UVRAG: variants seen among roughly 807,000 people sequenced by gnomAD.
UVRAG encodes the protein UV radiation resistance-associated gene protein.
Under a neutral mutation model 78.0 loss-of-function variants are expected in UVRAG, and 19 were observed. That is an observed-to-expected ratio of 0.24 (90% CI 0.17 to 0.36). The LOEUF is 0.36. Ranked by LOEUF, UVRAG falls within the 10% of genes least tolerant of loss-of-function variation. The pLI is 1.00. For missense variants in UVRAG, 740 were observed against 853.8 expected (o/e 0.87, Z 1.66); for synonymous variants, 323 against 324.6 (o/e 1.00, Z 0.05).
chr11:75,947,799 C>G (rs186488789), intron 6 of UVRAG, among the ~76,000 whole-genome samples: 2 of 152,050 alleles, frequency 1.3e-5, no homozygotes, highest in Non-Finnish European at 2.9e-5. Flanking sequence ...ACAGGTAGAA[C>G]GGGAATGATT....
Position 75,828,797 on chromosome 11 carries a change from A to G in UVRAG, c.117+13273A>G, listed in dbSNP as rs1945588767. Among the ~76,000 whole-genome samples the G allele has an allele frequency of 3.1e-5, 3 of 95,558 alleles. No homozygotes were observed. In the South Asian group the frequency reaches 9.0e-4, roughly 29 times the overall value. 62.7% of individuals were successfully genotyped at this position (95,558 alleles called of 152,430 possible). A position where few individuals can be genotyped will look rare whatever the true frequency, so the allele number is the denominator to read the frequency against. Reference sequence around the variant, plus strand: ...TATACACACATATATATATATATATATATATATATTTTTTTTTTTTTGTAG... The same window carrying G: ...TATACACACATATATATATATATATGTATATATATTTTTTTTTTTTTGTAG... On this transcript the variant is annotated intron_variant, in intron 1 of 14. Coordinates refer to ENST00000356136, the MANE Select transcript of UVRAG (RefSeq NM_003369.4).
intron 7 of UVRAG, 35 bp from the exon 8 acceptor site, chr11:75,983,352 T>A: frequency 6.6e-7 from 1 of 1,518,252 alleles, no homozygotes; most frequent in Non-Finnish European, 8.9e-7. Flanking sequence ...ATGACATTTA[T>A]ATTCATAAAT....
chr11:76,103,952 C>T (rs1449076043), intron 13 of UVRAG, among the ~76,000 whole-genome samples: 1 of 150,554 alleles, frequency 6.6e-6, no homozygotes, highest in East Asian at 1.9e-4. Context: ...ATGGGCTTCT[C>T]TGATTAAAAA....
At chr11:75,848,011 C>A in intron 1 of UVRAG, among the ~76,000 whole-genome samples, 1 of 140,746 alleles carries the variant, frequency 7.1e-6, no homozygotes, top group Admixed American at 7.2e-5. Flanking sequence ...GCACGGGCAA[C>A]ATAGGGAGAC....
intron 11 of UVRAG, among the ~76,000 whole-genome samples, chr11:76,011,158 C>G (rs1950043612): frequency 6.6e-6 from 1 of 152,062 alleles, no homozygotes; most frequent in South Asian, 2.1e-4. Flanking sequence ...ATACAGTCTC[C>G]CTACCCTTTA....
intron 6 of UVRAG, among the ~76,000 whole-genome samples, chr11:75,918,389 A>G (rs1947906583): frequency 6.6e-6 from 1 of 151,906 alleles, no homozygotes; most frequent in Non-Finnish European, 1.5e-5. Context: ...GAAAAAAAAA[A>G]AAAAAAGATA....
In UVRAG at chr11:76,141,607, C is replaced by T. The variant is rs981470602; in HGVS notation, c.*194C>T. On this transcript the variant is annotated 3_prime_UTR_variant, in exon 15 of 15. Transcript: ENST00000356136. ...GTGGGCCAAAGTTAGATTTTGCTTT[C>T]AAGATTTGCTTTTCGGGCCTGATGA... The T allele has an allele frequency of 3.1e-6, 2 of 654,046 alleles. No homozygotes were observed. The highest frequency in any genetic ancestry group is 3.6e-5 in the African/African-American group (2 of 54,834). The allele number at this position is 654,046 out of a possible 1,614,324, so 40.5% of individuals were successfully genotyped here. A position where few individuals can be genotyped will look rare whatever the true frequency, so the allele number is the denominator to read the frequency against.
intron 14 of UVRAG, among the ~76,000 whole-genome samples, chr11:76,122,827 A>G (rs1229158244): frequency 2.0e-5 from 3 of 152,186 alleles, no homozygotes; most frequent in Non-Finnish European, 4.4e-5. Context: ...TTTTTTTGGT[A>G]CCTGCCTTCT....
intron 6 of UVRAG, among the ~76,000 whole-genome samples, chr11:75,951,412 C>T (rs12793298): frequency 0.069 from 10,502 of 151,362 alleles, 473 homozygotes; most frequent in Non-Finnish European, 0.11. Context: ...GATGGAGTTT[C>T]GCTCTTGTTG....
At chr11:75,918,484 A>G (rs946283562) in intron 6 of UVRAG, among the ~76,000 whole-genome samples, 5 of 152,194 alleles carry the variant, frequency 3.3e-5, no homozygotes, top group Admixed American at 1.3e-4. Flanking sequence ...GTGATATTCA[A>G]GGGACATTTA....
At chr11:76,099,110 A>G (rs956894387) in intron 13 of UVRAG, among the ~76,000 whole-genome samples, 4 of 152,192 alleles carry the variant, frequency 2.6e-5, no homozygotes, top group Non-Finnish European at 5.9e-5. Context: ...AAGCTTTTCC[A>G]ACAAGGATGT....
intron 5 of UVRAG, among the ~76,000 whole-genome samples, chr11:75,899,699 A>G (rs552615441): frequency 6.6e-6 from 1 of 152,254 alleles, no homozygotes; most frequent in Non-Finnish European, 1.5e-5. Context: ...AGCACAAAGC[A>G]TAACTAGTTG....
At chr11:75,977,630 CTTCT>C in intron 7 of UVRAG, among the ~76,000 whole-genome samples, 1 of 152,138 alleles carries the variant, frequency 6.6e-6, no homozygotes, top group East Asian at 1.9e-4. Context: ...ATGTAATGGC[CTTCT>C]TTGTCTCTTC....
chr11:75,976,549 G>A (rs1056077690), intron 7 of UVRAG, among the ~76,000 whole-genome samples: 3 of 152,166 alleles, frequency 2.0e-5, no homozygotes, highest in Non-Finnish European at 2.9e-5. Flanking sequence ...TTCAGAGCCT[G>A]TTATTGCTCT....
intron 6 of UVRAG, among the ~76,000 whole-genome samples, chr11:75,950,006 G>A (rs902605642): frequency 2.6e-5 from 4 of 151,954 alleles, no homozygotes; most frequent in Non-Finnish European, 5.9e-5. Flanking sequence ...GTCATACGGG[G>A]CACTCTTTTG....
At chr11:75,853,760 G>GTTTATTTA (rs112630243) in intron 2 of UVRAG, among the ~76,000 whole-genome samples, 15 of 146,594 alleles carry the variant, frequency 1.0e-4, no homozygotes, top group African/African-American at 3.7e-4. Context: ...TTATTTATTT[G>GTTTATTTA]TTTATTTATT....
At chr11:76,119,818 A>C (rs191391205) in intron 14 of UVRAG, among the ~76,000 whole-genome samples, 2 of 152,264 alleles carry the variant, frequency 1.3e-5, no homozygotes, top group African/African-American at 4.8e-5. Flanking sequence ...CCACTCTCCA[A>C]AGTAGCCAGG....
chr11:75,949,714 T>TATACACACACACAC (rs59607906), intron 6 of UVRAG, among the ~76,000 whole-genome samples: 5 of 136,868 alleles, frequency 3.7e-5, no homozygotes, highest in African/African-American at 1.4e-4. Flanking sequence ...TATATATATA[T>TATACACACACACAC]ACACACACAC....
chr11:75,965,025 G>A (rs1325637767), intron 7 of UVRAG, among the ~76,000 whole-genome samples: 1 of 152,064 alleles, frequency 6.6e-6, no homozygotes, highest in Admixed American at 6.6e-5. Flanking sequence ...CTTAAAATTT[G>A]ACAGGGTAAG....
Sources: gnomAD v4.1 joint callset for allele counts (sites outside exome capture counted in the v4.1 genomes callset) on GRCh38, gnomAD v4.1.1 for gene constraint, MANE v1.5 for transcripts, NCBI Gene and HGNC (gene_info 2026-07-23, HGNC 2026-07-21) for gene names.